RIT2: variants seen among roughly 807,000 people sequenced by gnomAD.
The protein encoded by RIT2 is GTP-binding protein Rit2.
Under a neutral mutation model 23.7 loss-of-function variants are expected in RIT2, and 24 were observed. That is an observed-to-expected ratio of 1.01 (90% confidence interval 0.73 to 1.43). The LOEUF (loss-of-function observed/expected upper bound fraction) is 1.43. RIT2 is among the 40% of genes most tolerant of loss of function. RIT2 has a pLI of 0.00. For synonymous variants in RIT2, 107 were observed against 91.1 expected, an observed-to-expected ratio of 1.17 and a Z score of -0.99; for missense variants, 236 against 266.9, an observed-to-expected ratio of 0.88 and a Z score of 0.81.
rs1432058960 is a variant in RIT2, at chr18:43,033,802, T to C, written c.160+9A>G. 6 of 1,592,654 alleles carry C rather than the reference T, an allele frequency of 3.8e-6. No homozygotes were observed. In the African/African-American group the frequency reaches 6.7e-5, roughly 18 times the overall value. On this transcript the variant is annotated intron_variant, in intron 2 of 4. Coordinates refer to ENST00000326695, the MANE Select transcript of RIT2 (RefSeq NM_002930.4). ...TTTGAGCTTACGGAGAAAGGAAGCT[T>C]CCACTTACCTATAGTAGGGTCATGA...
At chr18:42,804,470 G>C (rs1447555210) in intron 4 of RIT2, among the ~76,000 whole-genome samples, 1 of 148,614 alleles carries the variant, frequency 6.7e-6, no homozygotes, top group Admixed American at 6.9e-5. Flanking sequence ...CAGGAAAATC[G>C]CTTGAACCCA....
At chr18:42,759,446 C>T (rs866697588) in intron 4 of RIT2, among the ~76,000 whole-genome samples, 6 of 152,012 alleles carry the variant, frequency 3.9e-5, no homozygotes, top group Admixed American at 1.3e-4. Context: ...TTGGAATTGG[C>T]ATTAAAACCC....
intron 2 of RIT2, among the ~76,000 whole-genome samples, chr18:43,003,254 C>CT (rs5824464): frequency 5.3e-5 from 8 of 151,754 alleles, no homozygotes; most frequent in African/African-American, 1.9e-4. Flanking sequence ...CCAAGCACAA[C>CT]TTTTTTTTCT....
At chr18:42,765,701 CA>C (rs1175619965) in intron 4 of RIT2, among the ~76,000 whole-genome samples, 2 of 152,186 alleles carry the variant, frequency 1.3e-5, no homozygotes, top group African/African-American at 2.4e-5. Context: ...TGCATAGATG[CA>C]TAAATGTTTA....
chr18:42,902,661 A>G (rs1908507916), intron 4 of RIT2, among the ~76,000 whole-genome samples: 1 of 151,780 alleles, frequency 6.6e-6, no homozygotes, highest in Non-Finnish European at 1.5e-5. Context: ...TGTCAAGATA[A>G]AAACACCTTC....
At chr18:42,981,694 A>C (rs1910602805) in intron 2 of RIT2, among the ~76,000 whole-genome samples, 1 of 152,094 alleles carries the variant, frequency 6.6e-6, no homozygotes, top group Non-Finnish European at 1.5e-5. Context: ...AAATATATTT[A>C]TTCATATTTT....
At chr18:43,051,403 ATAGT>A (rs1007180891) in intron 1 of RIT2, among the ~76,000 whole-genome samples, 11 of 152,226 alleles carry the variant, frequency 7.2e-5, no homozygotes, top group African/African-American at 2.4e-4. Flanking sequence ...GGTATGGAAG[ATAGT>A]TATTTTTTTC....
intron 2 of RIT2, among the ~76,000 whole-genome samples, chr18:42,983,919 G>A (rs986531147): frequency 6.6e-6 from 1 of 152,036 alleles, no homozygotes; most frequent in African/African-American, 2.4e-5. Context: ...TGGATACACA[G>A]AATGTTACAA....
chr18:43,087,982 A>G (rs1169656982), intron 1 of RIT2, among the ~76,000 whole-genome samples: 1 of 152,204 alleles, frequency 6.6e-6, no homozygotes, highest in Non-Finnish European at 1.5e-5. Context: ...CTTCATTAAT[A>G]TTAGCCTAGT....
At chr18:42,987,824 G>A (rs570230523) in intron 2 of RIT2, among the ~76,000 whole-genome samples, 1 of 152,248 alleles carries the variant, frequency 6.6e-6, no homozygotes, top group East Asian at 1.9e-4. Context: ...AGGTGAAGTG[G>A]AGTAGATGTC....
intron 4 of RIT2, among the ~76,000 whole-genome samples, chr18:42,820,127 T>C (rs1424617804): frequency 6.6e-6 from 1 of 152,140 alleles, no homozygotes; most frequent in East Asian, 1.9e-4. Flanking sequence ...CCCAAATATT[T>C]TGATCCACTC....
At chr18:42,882,830 G>A (rs940285347) in intron 4 of RIT2, among the ~76,000 whole-genome samples, 1 of 152,066 alleles carries the variant, frequency 6.6e-6, no homozygotes, top group Non-Finnish European at 1.5e-5. Flanking sequence ...CTATGGGAAT[G>A]GTGCTTTGTA....
chr18:42,856,969 C>T (rs1907202105), intron 4 of RIT2, among the ~76,000 whole-genome samples: 1 of 151,722 alleles, frequency 6.6e-6, no homozygotes, highest in Non-Finnish European at 1.5e-5. Context: ...GCTGGGACCA[C>T]AGGCACCCGC....
intron 4 of RIT2, among the ~76,000 whole-genome samples, chr18:42,852,549 T>A (rs1907081397): frequency 6.6e-6 from 1 of 152,124 alleles, no homozygotes; most frequent in African/African-American, 2.4e-5. Flanking sequence ...TACTCGGAGA[T>A]GTTGTTGAGA....
chr18:42,904,053 A>G (rs1289336364), intron 4 of RIT2, among the ~76,000 whole-genome samples: 2 of 152,154 alleles, frequency 1.3e-5, no homozygotes, highest in Non-Finnish European at 2.9e-5. Context: ...AATACTATAT[A>G]GGAAGATAAA....
At chr18:43,022,993 A>G (rs1190891118) in intron 2 of RIT2, among the ~76,000 whole-genome samples, 1 of 152,062 alleles carries the variant, frequency 6.6e-6, no homozygotes, top group Non-Finnish European at 1.5e-5. Context: ...GTACAGAACA[A>G]AGTGTTGCAG....
chr18:43,027,123 G>A (rs193255991), intron 2 of RIT2, among the ~76,000 whole-genome samples: 166 of 137,350 alleles, frequency 1.2e-3, no homozygotes, highest in African/African-American at 4.7e-3. Context: ...ATTATCCTTG[G>A]ACTAGCCTAA....
intron 1 of RIT2, among the ~76,000 whole-genome samples, chr18:43,046,064 T>A (rs960148663): frequency 5.9e-5 from 9 of 152,154 alleles, no homozygotes; most frequent in African/African-American, 2.2e-4. Context: ...CAATGGCTAA[T>A]AGGCTGGGTG....
intron 4 of RIT2, among the ~76,000 whole-genome samples, chr18:42,840,562 C>T (rs1906736939): frequency 6.7e-6 from 1 of 150,342 alleles, no homozygotes; most frequent in South Asian, 2.1e-4. Flanking sequence ...GAGTGCAATG[C>T]TCAGTCTCGG....
Sources: allele counts gnomAD v4.1 joint callset (sites outside exome capture counted in the v4.1 genomes callset), GRCh38; gene constraint gnomAD v4.1.1; transcripts MANE v1.5; gene names NCBI Gene and HGNC (gene_info 2026-07-23, HGNC 2026-07-21).